The following KCNN1 variants were observed in gnomAD, a reference collection of about 807,000 sequenced individuals.
KCNN1 encodes the protein small conductance calcium-activated potassium channel protein 1.
Under a neutral mutation model 44.7 loss-of-function variants are expected in KCNN1, and 20 were observed. The observed-to-expected ratio is 0.45, with a 90% CI of 0.32 to 0.65. The LOEUF is 0.65. KCNN1 is among the 30% of genes least tolerant of loss of function. The probability of loss-of-function intolerance (pLI) is 0.05; values close to 1 mark genes in which losing one functional copy is unlikely to be tolerated. For synonymous variants in KCNN1, 324 were observed against 341.7 expected, an observed-to-expected ratio of 0.95 and a Z score of 0.57; for missense variants, 632 against 785.3, an observed-to-expected ratio of 0.80 and a Z score of 2.33.
At chr19:17,975,754 T>G (rs2032186000) in intron 3 of KCNN1, among the ~76,000 whole-genome samples, 1 of 152,186 alleles carries the variant, frequency 6.6e-6, no homozygotes, top group South Asian at 2.1e-4. Context: ...GGTCTCACTC[T>G]GTTGCCCAGG....
chr19:17,974,178 G>C lies in KCNN1; in HGVS notation c.290G>C (p.Arg97Pro). 6.2e-7 allele frequency: 1 copy of C among 1,612,842 alleles called. No homozygotes were observed. The highest frequency in any genetic ancestry group is 2.2e-5 in the East Asian group (1 of 44,876). Reference protein sequence around the residue: ...SNVGHRLGHRRALFEKRKRLS... With the variant: ...SNVGHRLGHRPALFEKRKRLS... ...GTGGGCCACCGCCTGGGCCACCGGCGGGCGCTCTTCGAGAAGCGGAAGCGC... is the reference window on the plus strand; with the variant it reads ...GTGGGCCACCGCCTGGGCCACCGGCCGGCGCTCTTCGAGAAGCGGAAGCGC... The change falls in exon 2 of 10, where the codon CGG (arginine) becomes CCG (proline). Residue 97 changes from arginine to proline, a missense_variant. Physicochemically the swap from Arg to Pro is moderately radical, Grantham distance 103. Transcript: ENST00000684775. This position sits in a 1 kb window ranked among gnomAD's most constrained non-coding sequence, Gnocchi z 7.3.
In KCNN1 at chr19:17,985,425, A is replaced by G. The variant is rs1431593506; in HGVS notation, c.1031A>G (p.Lys344Arg). ...ATGGTGCCCCACACCTACTGCGGGA[A>G]GGGTGTGTGCCTGCTCACTGGCATC... ...GDMVPHTYCG[K>R]GVCLLTGIMG... The change falls in exon 5 of 10, where the codon AAG becomes AGG. Residue 344 changes from lysine to arginine, a missense_variant. Around this residue, in one of 3 missense-constraint regions of KCNN1, gnomAD observed 160 missense variants for 308.3 expected, o/e 0.52. Transcript: ENST00000684775. The G allele has an allele frequency of 6.2e-7, 1 of 1,606,754 alleles. No homozygotes were observed. Among genetic ancestry groups the G allele is most frequent in the Admixed American group, 1.7e-5 (1 of 59,684 alleles).
At chr19:17,965,437 C>G (rs566296160), upstream of KCNN1, among the ~76,000 whole-genome samples, 91 of 152,056 alleles carry the variant, frequency 6.0e-4, 2 homozygotes, top group Middle Eastern at 0.037. Context: ...AGGGATGTGC[C>G]CAATCCTGAG....
In KCNN1 at chr19:17,999,799, C is replaced by T; in HGVS notation, c.*1393C>T. 1 of 353,130 alleles carries T rather than the reference C, an allele frequency of 2.8e-6. No individual in the cohort carries two copies. Among genetic ancestry groups the T allele is most frequent in the South Asian group, 2.0e-5 (1 of 48,850 alleles). The allele number at this position is 353,130 out of a possible 1,614,324, so 21.9% of individuals were successfully genotyped here. A position where few individuals can be genotyped will look rare whatever the true frequency, so the allele number is the denominator to read the frequency against. On this transcript the variant is annotated 3_prime_UTR_variant, in exon 10 of 10. Coordinates refer to ENST00000684775, the MANE Select transcript of KCNN1 (RefSeq NM_001386974.1). ...CAGGTCCTGGCAGCCTCTGATAAGG[C>T]CATCCATCGCCTGGCTCAACGAGAT...
At chr19:17,985,742 A>G (rs972353183) in intron 5 of KCNN1, among the ~76,000 whole-genome samples, 1 of 152,234 alleles carries the variant, frequency 6.6e-6, no homozygotes, top group Non-Finnish European at 1.5e-5. Flanking sequence ...CACTCTGACC[A>G]GAGAGTCACT....
chr19:17,977,419 G>A (rs2032242578), intron 3 of KCNN1, among the ~76,000 whole-genome samples: 3 of 151,470 alleles, frequency 2.0e-5, no homozygotes, highest in Non-Finnish European at 4.4e-5. Context: ...ACAGATCACT[G>A]CAGCCTCGAC....
chr19:17,978,748 G>A (rs1346250747), intron 3 of KCNN1, among the ~76,000 whole-genome samples: 2 of 149,436 alleles, frequency 1.3e-5, no homozygotes, highest in South Asian at 2.2e-4. Flanking sequence ...CCACAGACCC[G>A]GCTTTTTTTT....
At chr19:17,965,673 C>T (rs932324251), upstream of KCNN1, among the ~76,000 whole-genome samples, 4 of 152,134 alleles carry the variant, frequency 2.6e-5, no homozygotes, top group Non-Finnish European at 5.9e-5. Flanking sequence ...CCCACAACCC[C>T]TTTCTTGCTC....
chr19:17,986,990 A>G (rs1223211502), intron 5 of KCNN1, among the ~76,000 whole-genome samples: 1 of 151,378 alleles, frequency 6.6e-6, no homozygotes, highest in African/African-American at 2.4e-5. Flanking sequence ...TATTTTTAGT[A>G]TAGACAGGGT....
At chr19:17,972,942 G>A (rs1240622716) in intron 1 of KCNN1, among the ~76,000 whole-genome samples, 4 of 152,178 alleles carry the variant, frequency 2.6e-5, no homozygotes, top group Non-Finnish European at 5.9e-5. Flanking sequence ...GGCTCTGGTA[G>A]GGGGGCATTC....
chr19:17,978,160 T>C (rs2032269868), intron 3 of KCNN1, among the ~76,000 whole-genome samples: 1 of 149,340 alleles, frequency 6.7e-6, no homozygotes, highest in Admixed American at 6.7e-5. Flanking sequence ...GGCGTCTTGC[T>C]CTGTCACCCA....
chr19:17,995,610 G>C (rs60462806), intron 9 of KCNN1, among the ~76,000 whole-genome samples: 29,624 of 152,076 alleles, frequency 0.19, 3,098 homozygotes, highest in African/African-American at 0.27. Flanking sequence ...TTTTGAGACA[G>C]AGTCTCACTC....
At chr19:17,979,832 G>C (rs570684245) in intron 3 of KCNN1, among the ~76,000 whole-genome samples, 2 of 151,584 alleles carry the variant, frequency 1.3e-5, no homozygotes, top group East Asian at 1.9e-4. Flanking sequence ...TGACTTTATT[G>C]CTTCTTATTT....
intron 1 of KCNN1, among the ~76,000 whole-genome samples, chr19:17,953,296 C>A (rs1420655015): frequency 6.6e-6 from 1 of 152,170 alleles, no homozygotes; most frequent in Non-Finnish European, 1.5e-5. Flanking sequence ...TTTACTCCGA[C>A]GCAGCAACCC....
At chr19:17,984,113 A>C (rs1232931698) in intron 4 of KCNN1, among the ~76,000 whole-genome samples, 1 of 151,744 alleles carries the variant, frequency 6.6e-6, no homozygotes, top group Non-Finnish European at 1.5e-5. Flanking sequence ...CAGTGAGCCA[A>C]GATCATGCCA....
Position 17,998,334 on chromosome 19 carries a change from C to T in KCNN1, c.1560C>T (p.Pro520=), listed in dbSNP as rs767633982. ...CTCCCCTGCCTCCCAGGCCCGGCCC[C>T]GGCCCCCAAGACCAGGCAGCCCGGA... ...PPPPLPPRPG[P]GPQDQAARSS... The change falls in exon 10 of 10, where the codon CCC becomes CCT. Residue 520 remains proline, a synonymous_variant. Transcript: ENST00000684775. This position sits in a 1 kb window ranked among gnomAD's most constrained non-coding sequence, Gnocchi z 5.4. 1.1e-4 allele frequency: 165 copies of T among 1,532,274 alleles called. No homozygotes were observed. The highest frequency in any genetic ancestry group is 1.3e-4 in the Non-Finnish European group (151 of 1,145,016). The allele number at this position is 1,532,274 out of a possible 1,614,324, so 94.9% of individuals were successfully genotyped here.
chr19:17,991,031 T>C (rs1450528548), intron 7 of KCNN1, among the ~76,000 whole-genome samples: 1 of 150,774 alleles, frequency 6.6e-6, no homozygotes, highest in Non-Finnish European at 1.5e-5. Context: ...AAATGACTGC[T>C]TGGTTGGGCA....
At chr19:17,986,279 C>T (rs1181200552) in intron 5 of KCNN1, among the ~76,000 whole-genome samples, 2 of 151,824 alleles carry the variant, frequency 1.3e-5, no homozygotes, top group African/African-American at 2.4e-5. Flanking sequence ...ATGAGAATTG[C>T]TTGAACCCAG....
intron 1 of KCNN1, chr19:17,954,456 CAAAAA>C (rs1418893412): frequency 2.6e-5 from 4 of 151,882 alleles, no homozygotes; most frequent in Non-Finnish European, 4.4e-5. Context: ...GACTCTGTCT[CAAAAA>C]AATAAAAAAT....
Sources: gnomAD v4.1 joint callset for allele counts (sites outside exome capture counted in the v4.1 genomes callset) on GRCh38, gnomAD v4.1.1 for gene constraint, gnomAD v4.1.1 regional missense constraint, Gnocchi (gnomAD v3.1) non-coding constraint, MANE v1.5 for transcripts, NCBI Gene and HGNC (gene_info 2026-07-23, HGNC 2026-07-21) for gene names.